TENM4: variants seen among roughly 807,000 people sequenced by gnomAD.
TENM4 encodes teneurin transmembrane protein 4.
In TENM4, 82 loss-of-function variants were observed where a neutral mutation model predicts 243.3. That is an observed-to-expected ratio of 0.34 (90% CI 0.28 to 0.40). The LOEUF (loss-of-function observed/expected upper bound fraction) is 0.40. Among genes scored for constraint, TENM4 ranks in the 10% least tolerant of loss-of-function variants. TENM4 has a pLI of 1.00. For missense variants in TENM4, 3,138 were observed against 3,673.3 expected (o/e 0.85, Z 3.77); for synonymous variants, 1,412 against 1,456.3 (o/e 0.97, Z 0.69).
In TENM4 at chr11:79,433,390, T is replaced by G. The variant is rs138287241; in HGVS notation, c.-321+7119A>C. 1.8e-4 allele frequency among the ~76,000 whole-genome samples: 27 copies of G among 152,252 alleles called. No individual in the cohort carries two copies. The East Asian group carries it at 4.1e-3, about 23-fold the overall frequency. ...TTAACAAGACATGGAAACCACTCTC[T>G]TCTCCCAAACCAATTTTATAGTGAG... On this transcript the variant is annotated intron_variant, in intron 1 of 33. Transcript: ENST00000278550.
chr11:79,097,003 A>G (rs1428965070), intron 4 of TENM4: 1 of 152,340 alleles, frequency 6.6e-6, no homozygotes, highest in Admixed American at 6.5e-5. Flanking sequence ...AAACCTGATA[A>G]TAGCAACCAC....
intron 2 of TENM4, among the ~76,000 whole-genome samples, chr11:79,218,763 C>T (rs1864105516): frequency 6.6e-6 from 1 of 152,070 alleles, no homozygotes; most frequent in Non-Finnish European, 1.5e-5. Flanking sequence ...CTCCAGTAGA[C>T]AAAACAAAGA....
intron 2 of TENM4, among the ~76,000 whole-genome samples, chr11:79,233,302 A>T (rs560596680): frequency 6.6e-6 from 1 of 152,364 alleles, no homozygotes; most frequent in African/African-American, 2.4e-5. Context: ...TGTATTGGAC[A>T]GATGGAAGGT....
At chr11:79,312,448 G>A (rs575386105) in intron 1 of TENM4, among the ~76,000 whole-genome samples, 13 of 152,272 alleles carry the variant, frequency 8.5e-5, no homozygotes, top group Non-Finnish European at 1.6e-4. Context: ...ACATATATTA[G>A]CATATTTAAG....
intron 1 of TENM4, among the ~76,000 whole-genome samples, chr11:79,348,190 C>A (rs1857360553): frequency 6.6e-6 from 1 of 152,176 alleles, no homozygotes; most frequent in Non-Finnish European, 1.5e-5. Context: ...TTTAACAGAG[C>A]CATCTGTTCA....
At chr11:78,706,255 C>T (rs761159968) in intron 27 of TENM4, among the ~76,000 whole-genome samples, 7 of 152,176 alleles carry the variant, frequency 4.6e-5, no homozygotes, top group Admixed American at 2.6e-4. Flanking sequence ...TATTCTCTGT[C>T]GGTGGTGGCC....
At chr11:79,423,303 G>A (rs544349779) in intron 1 of TENM4, among the ~76,000 whole-genome samples, 30 of 121,410 alleles carry the variant, frequency 2.5e-4, no homozygotes, top group South Asian at 8.1e-4. Context: ...CCCCACCCCC[G>A]CCATTGTACA....
intron 2 of TENM4, among the ~76,000 whole-genome samples, chr11:79,219,528 T>A (rs1864118185): frequency 6.6e-6 from 1 of 152,202 alleles, no homozygotes; most frequent in South Asian, 2.1e-4. Flanking sequence ...TTTAGCCTTC[T>A]AAATAACTGC....
intron 12 of TENM4, among the ~76,000 whole-genome samples, chr11:78,833,051 G>A (rs1276388057): frequency 6.6e-6 from 1 of 152,114 alleles, no homozygotes; most frequent in East Asian, 1.9e-4. Context: ...AAACCCCACA[G>A]GTCTCCTACA....
At chr11:78,791,734 A>G (rs1857061287) in intron 15 of TENM4, among the ~76,000 whole-genome samples, 1 of 152,262 alleles carries the variant, frequency 6.6e-6, no homozygotes, top group South Asian at 2.1e-4. Flanking sequence ...GATATAATAA[A>G]TACACACATT....
chr11:79,109,365 A>G (rs1449803599), intron 4 of TENM4, among the ~76,000 whole-genome samples: 1 of 152,116 alleles, frequency 6.6e-6, no homozygotes, highest in East Asian at 1.9e-4. Context: ...AGGTGAGGGG[A>G]GCTTCCTTCA....
At chr11:79,380,101 C>T (rs1180922666) in intron 1 of TENM4, among the ~76,000 whole-genome samples, 1 of 152,062 alleles carries the variant, frequency 6.6e-6, no homozygotes, top group Non-Finnish European at 1.5e-5. Context: ...AACCTCCTTC[C>T]CCCAACACAT....
chr11:78,819,058 G>C (rs566642944), intron 12 of TENM4, among the ~76,000 whole-genome samples: 3 of 152,038 alleles, frequency 2.0e-5, no homozygotes, highest in Non-Finnish European at 4.4e-5. Flanking sequence ...TCATTCTCTG[G>C]ACATGTGTTG....
intron 1 of TENM4, among the ~76,000 whole-genome samples, chr11:79,385,742 G>C (rs1024361420): frequency 2.6e-5 from 4 of 152,006 alleles, no homozygotes; most frequent in Admixed American, 6.6e-5. Context: ...CCTATCCTTT[G>C]GGAATCCCCA....
chr11:78,819,861 G>C (rs1857688888), intron 12 of TENM4, among the ~76,000 whole-genome samples: 2 of 152,256 alleles, frequency 1.3e-5, no homozygotes, highest in Middle Eastern at 3.4e-3. Flanking sequence ...GGAACACCTG[G>C]TTGAAGTACC....
At chr11:78,836,931 G>A (rs1178406391) in intron 12 of TENM4, among the ~76,000 whole-genome samples, 1 of 152,166 alleles carries the variant, frequency 6.6e-6, no homozygotes, top group African/African-American at 2.4e-5. Context: ...CATGTCACCA[G>A]GGGCACTTAA....
At chr11:79,427,585 G>A (rs1859080277) in intron 1 of TENM4, among the ~76,000 whole-genome samples, 1 of 152,066 alleles carries the variant, frequency 6.6e-6, no homozygotes, top group South Asian at 2.1e-4. Context: ...AAAATCAAAA[G>A]GTTAGGAGAA....
chr11:78,849,783 A>G (rs753058837), intron 12 of TENM4, among the ~76,000 whole-genome samples: 2 of 152,230 alleles, frequency 1.3e-5, no homozygotes, highest in Non-Finnish European at 2.9e-5. Flanking sequence ...GGGAGGTGAT[A>G]ATAAAAATAA....
intron 12 of TENM4, among the ~76,000 whole-genome samples, chr11:78,853,755 A>T (rs1858602819): frequency 6.6e-6 from 1 of 152,130 alleles, no homozygotes; most frequent in Non-Finnish European, 1.5e-5. Flanking sequence ...ACCAAGTGAG[A>T]CTCTAAAGAC....
Sources: allele counts gnomAD v4.1 joint callset (sites outside exome capture counted in the v4.1 genomes callset), GRCh38; gene constraint gnomAD v4.1.1; transcripts MANE v1.5; gene names NCBI Gene and HGNC (gene_info 2026-07-23, HGNC 2026-07-21).